PITRM1: variants seen among roughly 807,000 people sequenced by gnomAD.
PITRM1 encodes the protein pitrilysin metallopeptidase 1.
A neutral mutation model predicts 129.9 loss-of-function variants in PITRM1; 100 were observed. The observed-to-expected ratio is 0.77, with a 90% CI of 0.65 to 0.91. The LOEUF is 0.91. PITRM1 is among the 40% of genes least tolerant of loss of function. The pLI is 0.00. For synonymous variants in PITRM1, 591 were observed against 508.8 expected, an observed-to-expected ratio of 1.16 and a Z score of -2.17; for missense variants, 1,471 against 1,318.3, an observed-to-expected ratio of 1.12 and a Z score of -1.79.
chr10:3,159,125 C>G, intron 9 of PITRM1, 83 bp from the exon 10 acceptor site: 1 of 1,141,622 alleles, frequency 8.8e-7, no homozygotes, highest in African/African-American at 1.6e-5. Context: ...TTATTTAAAA[C>G]CACTACACAT....
At chr10:3,138,732 C>T (rs774253017) in intron 25 of PITRM1, 172 bp downstream of exon 25, 214 of 775,700 alleles carry the variant, frequency 2.8e-4, no homozygotes, top group Non-Finnish European at 4.4e-4. Flanking sequence ...GCACTCTTCT[C>T]GCCCGGATGT....
chr10:3,140,776 G>A lies in PITRM1; in HGVS notation c.2682C>T (p.Phe894=), dbSNP rs565586292. Residue 894 remains phenylalanine, a synonymous_variant, in exon 24 of 27, where the codon TTC becomes TTT. Transcript: ENST00000224949. The stretch of plus-strand genomic sequence containing the variant: ...CTTTTTCTCGAATTTCTGTATGCAA[G>A]AATTTGGCAGTCATCAAACGTGCAA... The part of the protein sequence containing the change: ...KILARLMTAK[F]LHTEIREKGG... The A allele has an allele frequency of 9.4e-6, 15 of 1,591,408 alleles. No individual in the cohort carries two copies. In the African/African-American group the frequency reaches 2.0e-4, roughly 21 times the overall value.
chr10:3,157,561 G>C (rs776094192), intron 11 of PITRM1, 30 bp from the exon 12 acceptor site: 4 of 1,398,174 alleles, frequency 2.9e-6, no homozygotes, highest in African/African-American at 1.4e-5. Context: ...ACAAAGATGG[G>C]CCAGACACAA....
chr10:3,140,243 G>A (rs759126637), intron 24 of PITRM1, among the ~76,000 whole-genome samples: 4 of 152,192 alleles, frequency 2.6e-5, no homozygotes, highest in East Asian at 1.9e-4. Context: ...ATACCTAGAC[G>A]GCTACTGGGT....
In PITRM1 at chr10:3,159,951, GACGT is replaced by G; in HGVS notation, c.919-19_919-16del. 1 of 1,543,398 alleles carries G rather than the reference GACGT, an allele frequency of 6.5e-7. No homozygotes were observed. Among genetic ancestry groups the G allele is most frequent in the East Asian group, 2.3e-5 (1 of 43,478 alleles). On this transcript the variant is annotated splice_polypyrimidine_tract_variant and intron_variant, in intron 8 of 26. Transcript: ENST00000224949. ...TGGAATTCCCTCTGTAAAATGACGT[GACGT>G]TGTGAGTAGGCACAGTGTCTGACGG...
chr10:3,151,087 A>G (rs1841467651), intron 15 of PITRM1, 160 bp downstream of exon 15: 3 of 615,536 alleles, frequency 4.9e-6, no homozygotes, highest in Admixed American at 5.4e-5. Flanking sequence ...AGTTAAGAAC[A>G]AGGCAGAAGA....
intron 14 of PITRM1, among the ~76,000 whole-genome samples, chr10:3,155,021 G>C (rs1841859612): frequency 1.3e-5 from 2 of 152,132 alleles, no homozygotes; most frequent in Non-Finnish European, 2.9e-5. Context: ...TCACTGACCC[G>C]ACAGTTCTCC....
chr10:3,160,046 C>T (rs1842319672), intron 8 of PITRM1, 110 bp from the exon 9 acceptor site: 2 of 1,249,056 alleles, frequency 1.6e-6, no homozygotes, highest in Admixed American at 4.0e-5. Flanking sequence ...ACTAAGTTAA[C>T]TTTCCTTTCA....
At chr10:3,168,942 AC>A in intron 2 of PITRM1, among the ~76,000 whole-genome samples, 2 of 69,640 alleles carry the variant, frequency 2.9e-5, no homozygotes, top group South Asian at 5.1e-4. Context: ...ACACACACAC[AC>A]ACACACACAC....
intron 24 of PITRM1, among the ~76,000 whole-genome samples, chr10:3,139,660 T>A (rs766959163): frequency 6.6e-5 from 10 of 152,218 alleles, no homozygotes; most frequent in Non-Finnish European, 1.3e-4. Context: ...CCTGCCTACC[T>A]ACCTAATCTA....
chr10:3,147,850 A>G lies in PITRM1; in HGVS notation c.2070-113T>C. On this transcript the variant is annotated intron_variant, in intron 18 of 26. Transcript: ENST00000224949. Reference sequence around the variant, plus strand: ...ACTTTAACAACCAAAGAAATTTTATAAGTCCATATGAACTACAAGTAAAAG... The same window carrying G: ...ACTTTAACAACCAAAGAAATTTTATGAGTCCATATGAACTACAAGTAAAAG... The G allele has an allele frequency of 5.1e-6, 6 of 1,187,500 alleles. No homozygotes were observed. In the South Asian group the frequency reaches 8.8e-5, roughly 17 times the overall value. The allele number at this position is 1,187,500 out of a possible 1,614,324, so 73.6% of individuals were successfully genotyped here.
rs73579045 is a variant in PITRM1 at position 3,165,864 on chromosome 10, G to A, written c.419-337C>T. ...GCATGGATTTAACCCGCTCTTCAAT[G>A]TCACTCCCCCACAGAATGCACTGTT... is the stretch of plus-strand genomic sequence containing the variant. On this transcript the variant is annotated intron_variant, in intron 4 of 26. Transcript: ENST00000224949. Among the ~76,000 whole-genome samples the A allele has an allele frequency of 1.2e-3, 190 of 152,290 alleles. 1 individual carries two copies. Among genetic ancestry groups the A allele is most frequent in the African/African-American group, 4.4e-3 (184 of 41,558 alleles).
At chr10:3,148,106 C>G (rs4881112) in intron 17 of PITRM1, 43 bp from the exon 18 acceptor site, 1 of 1,613,464 alleles carries the variant, frequency 6.2e-7, no homozygotes. Context: ...AGGGCCGAAT[C>G]GAACAGTGAC....
chr10:3,139,635 G>A (rs539598453), intron 24 of PITRM1, among the ~76,000 whole-genome samples: 7 of 152,156 alleles, frequency 4.6e-5, no homozygotes, highest in Non-Finnish European at 8.8e-5. Context: ...GGCTACCTAC[G>A]TATCTACCTA....
Position 3,159,049 on chromosome 10 carries a change from T to TG in PITRM1, c.1008-8dup. 11 of 1,595,492 alleles carry TG rather than the reference T, an allele frequency of 6.9e-6. No homozygotes were observed. Among genetic ancestry groups the TG allele is most frequent in the South Asian group, 1.1e-5 (1 of 87,342 alleles). On this transcript the variant is annotated splice_polypyrimidine_tract_variant and splice_region_variant and intron_variant, in intron 9 of 26. Transcript: ENST00000224949. ...TTCAAATGTGTCGGTGATGCTGCATTGAAAAAAAAAGGAACGGGGAGGTAA... is the reference window on the plus strand; with the variant it reads ...TTCAAATGTGTCGGTGATGCTGCATTGGAAAAAAAAAGGAACGGGGAGGTAA...
intron 19 of PITRM1, 93 bp from the exon 20 acceptor site, chr10:3,147,343 G>T: frequency 9.5e-7 from 1 of 1,051,138 alleles, no homozygotes. Flanking sequence ...AACCCTGCTT[G>T]GGCAGGGGTT....
intron 20 of PITRM1, chr10:3,145,996 C>G (rs1015627912): frequency 2.5e-6 from 1 of 405,052 alleles, no homozygotes; most frequent in African/African-American, 2.1e-5. Context: ...AAAGAAAATA[C>G]AGAGACTATT....
At chr10:3,148,643 C>T (rs943208181) in intron 16 of PITRM1, 84 of 197,088 alleles carry the variant, frequency 4.3e-4, no homozygotes, top group African/African-American at 1.8e-3. Flanking sequence ...CTCTCTTCAC[C>T]CAGATCACCG....
At chr10:3,147,075 A>G in intron 20 of PITRM1, 75 bp downstream of exon 20, 1 of 779,026 alleles carries the variant, frequency 1.3e-6, no homozygotes, top group Non-Finnish European at 2.1e-6. Flanking sequence ...TGAAGTTTCT[A>G]CAAGTAAGAA....
Sources: allele counts gnomAD v4.1 joint callset (sites outside exome capture counted in the v4.1 genomes callset), GRCh38; gene constraint gnomAD v4.1.1; transcripts MANE v1.5; gene names NCBI Gene and HGNC (gene_info 2026-07-23, HGNC 2026-07-21).